Variants in CNTNAP2 observed in about 807,000 individuals in gnomAD.
CNTNAP2 encodes the protein contactin-associated protein-like 2.
CNTNAP2 carries 98 observed loss-of-function variants against 155.2 expected under a neutral mutation model. That is an observed-to-expected ratio of 0.63 (90% CI 0.54 to 0.75). The LOEUF is 0.75. Ranked by LOEUF, CNTNAP2 falls within the 30% of genes least tolerant of loss-of-function variation. CNTNAP2 has a pLI of 0.00. For synonymous variants in CNTNAP2, 651 were observed against 631.2 expected, an observed-to-expected ratio of 1.03 and a Z score of -0.47; for missense variants, 1,727 against 1,688.1, an observed-to-expected ratio of 1.02 and a Z score of -0.40.
At chr7:146,567,607 T>C (rs1304845146) in intron 1 of CNTNAP2, among the ~76,000 whole-genome samples, 2 of 152,234 alleles carry the variant, frequency 1.3e-5, no homozygotes, top group Non-Finnish European at 2.9e-5. Context: ...TTATTCTAAG[T>C]AGTGTCAAGC....
chr7:148,191,340 G>C (rs910551142), intron 18 of CNTNAP2, among the ~76,000 whole-genome samples: 2 of 151,784 alleles, frequency 1.3e-5, no homozygotes, highest in Admixed American at 1.3e-4. Flanking sequence ...TCTGCCATGG[G>C]ATGTTCAACA....
intron 12 of CNTNAP2, among the ~76,000 whole-genome samples, chr7:147,571,368 A>G (rs2190004): frequency 0.45 from 66,668 of 147,596 alleles, 15,017 homozygotes; most frequent in East Asian, 0.61. Context: ...TTCATTTTTA[A>G]TTCTTAATTC....
At chr7:147,743,436 C>G (rs911408169) in intron 13 of CNTNAP2, among the ~76,000 whole-genome samples, 9 of 152,046 alleles carry the variant, frequency 5.9e-5, no homozygotes, top group Non-Finnish European at 1.2e-4. Flanking sequence ...AACCGGATGC[C>G]CCAAAGCAAA....
intron 8 of CNTNAP2, among the ~76,000 whole-genome samples, chr7:147,237,196 G>T (rs1305521295): frequency 1.3e-5 from 2 of 151,288 alleles, no homozygotes; most frequent in Admixed American, 1.3e-4. Context: ...CTCCCAAGTA[G>T]CTGGGACTAC....
chr7:147,905,354 C>T (rs1799941632), intron 14 of CNTNAP2, among the ~76,000 whole-genome samples: 1 of 152,180 alleles, frequency 6.6e-6, no homozygotes, highest in South Asian at 2.1e-4. Context: ...CACCTTGTCC[C>T]ACCACAGAGG....
chr7:148,305,109 G>A (rs1317608112), intron 21 of CNTNAP2, among the ~76,000 whole-genome samples: 5 of 149,398 alleles, frequency 3.3e-5, no homozygotes, highest in African/African-American at 1.2e-4. Context: ...TGTAGTCCCA[G>A]CTACTTGGGA....
intron 13 of CNTNAP2, among the ~76,000 whole-genome samples, chr7:147,647,733 G>A (rs1290838412): frequency 6.6e-6 from 1 of 152,098 alleles, no homozygotes; most frequent in African/African-American, 2.4e-5. Context: ...AATTTTAAAA[G>A]GGGACTAAAG....
intron 4 of CNTNAP2, among the ~76,000 whole-genome samples, chr7:147,047,490 A>G (rs73467042): frequency 0.06 from 9,099 of 151,932 alleles, 691 homozygotes; most frequent in African/African-American, 0.18. Flanking sequence ...ATCTATTTAT[A>G]TATCTATCAT....
intron 1 of CNTNAP2, among the ~76,000 whole-genome samples, chr7:146,510,900 T>C (rs1797455549): frequency 6.6e-6 from 1 of 152,078 alleles, no homozygotes; most frequent in Non-Finnish European, 1.5e-5. Context: ...AGGTTTTTCT[T>C]TTTTCTTTGT....
chr7:147,575,407 T>C (rs1800378392), intron 12 of CNTNAP2, among the ~76,000 whole-genome samples: 1 of 134,766 alleles, frequency 7.4e-6, no homozygotes, highest in Admixed American at 7.5e-5. Context: ...TGTGTGTGTA[T>C]TCCCTAGCTT....
In CNTNAP2 at chr7:148,363,293, A is replaced by G. The variant is rs180831628; in HGVS notation, c.3476-20356A>G. On this transcript the variant is annotated intron_variant, in intron 21 of 23. Transcript: ENST00000361727. ...CCACCACGCACGGCCTCAACATTCT[A>G]TTATAAAATAGGTTTTGCATTAGAT... Among the ~76,000 whole-genome samples, 208 of 152,316 alleles carry G rather than the reference A, an allele frequency of 1.4e-3. 1 individual carries two copies. Among genetic ancestry groups the G allele is most frequent in the Non-Finnish European group, 2.1e-3 (146 of 68,022 alleles).
intron 3 of CNTNAP2, among the ~76,000 whole-genome samples, chr7:146,920,066 G>T (rs965758526): frequency 6.6e-6 from 1 of 152,096 alleles, no homozygotes; most frequent in African/African-American, 2.4e-5. Flanking sequence ...AGATAGAAAA[G>T]CCTGACAAGG....
intron 3 of CNTNAP2, among the ~76,000 whole-genome samples, chr7:146,963,334 A>C (rs1272392875): frequency 6.6e-6 from 1 of 152,198 alleles, no homozygotes; most frequent in African/African-American, 2.4e-5. Flanking sequence ...CTTTTGTCTC[A>C]AATGTCATGT....
chr7:147,782,947 T>C (rs959033802), intron 13 of CNTNAP2, among the ~76,000 whole-genome samples: 2 of 152,226 alleles, frequency 1.3e-5, no homozygotes, highest in Admixed American at 6.5e-5. Context: ...CCATATTATA[T>C]TTTTAAGCAA....
At chr7:147,997,849 C>T (rs941865867) in intron 15 of CNTNAP2, among the ~76,000 whole-genome samples, 3 of 152,064 alleles carry the variant, frequency 2.0e-5, no homozygotes, top group Non-Finnish European at 4.4e-5. Flanking sequence ...GCCGCACATG[C>T]GTGTTCATAC....
chr7:146,821,643 C>T (rs1803286160), intron 2 of CNTNAP2, among the ~76,000 whole-genome samples: 1 of 152,014 alleles, frequency 6.6e-6, no homozygotes, highest in Admixed American at 6.6e-5. Context: ...CAAACAACCC[C>T]ATCAAAAAGT....
At chr7:148,218,710 T>A (rs771141996) in intron 19 of CNTNAP2, among the ~76,000 whole-genome samples, 1 of 151,980 alleles carries the variant, frequency 6.6e-6, no homozygotes. Flanking sequence ...TTTTTACTTG[T>A]AATATCCTGG....
chr7:148,387,243 A>G (rs2116667678), intron 22 of CNTNAP2, among the ~76,000 whole-genome samples: 1 of 152,316 alleles, frequency 6.6e-6, no homozygotes, highest in Non-Finnish European at 1.5e-5. Flanking sequence ...CATCCCTCAC[A>G]TCAGCAATTG....
At chr7:146,519,361 G>T (rs2129136981) in intron 1 of CNTNAP2, among the ~76,000 whole-genome samples, 1 of 151,860 alleles carries the variant, frequency 6.6e-6, no homozygotes, top group South Asian at 2.1e-4. Flanking sequence ...AGGAAGGATG[G>T]GTTGGGGAAG....
Sources: gnomAD v4.1 joint callset for allele counts (sites outside exome capture counted in the v4.1 genomes callset) on GRCh38, gnomAD v4.1.1 for gene constraint, MANE v1.5 for transcripts, NCBI Gene and HGNC (gene_info 2026-07-23, HGNC 2026-07-21) for gene names.